Variants in ZNF33B observed in about 807,000 individuals in gnomAD.
ZNF33B encodes zinc finger protein 33B.
ZNF33B carries 29 observed loss-of-function variants against 45.8 expected under a neutral mutation model. The observed-to-expected ratio is 0.63, with a 90% confidence interval of 0.47 to 0.86. ZNF33B has a LOEUF of 0.86. Ranked by LOEUF, ZNF33B falls within the 40% of genes least tolerant of loss-of-function variation. ZNF33B has a pLI of 0.00. For missense variants in ZNF33B, 831 were observed against 909.9 expected (o/e 0.91, Z 1.12); for synonymous variants, 305 against 307.8 (o/e 0.99, Z 0.10).
intron 4 of ZNF33B, among the ~76,000 whole-genome samples, chr10:42,601,304 G>A (rs555003691): frequency 2.6e-5 from 4 of 152,008 alleles, no homozygotes; most frequent in African/African-American, 4.8e-5. Context: ...AGGGTTTGAC[G>A]AGCTTCTTAG....
chr10:42,629,470 A>G (rs1350443824), intron 4 of ZNF33B, among the ~76,000 whole-genome samples: 1 of 152,236 alleles, frequency 6.6e-6, no homozygotes, highest in Non-Finnish European at 1.5e-5. Flanking sequence ...TTTATAACAC[A>G]AAAGATAAAT....
At chr10:42,612,711 CT>C (rs1272770269) in intron 4 of ZNF33B, among the ~76,000 whole-genome samples, 1 of 152,092 alleles carries the variant, frequency 6.6e-6, no homozygotes, top group Non-Finnish European at 1.5e-5. Flanking sequence ...AAAAAATAGC[CT>C]TTTAAAAAAG....
rs769297003 is a variant in ZNF33B at position 42,594,391 on chromosome 10, T to C, written c.559A>G (p.Thr187Ala). 67 of 1,613,744 alleles carry C rather than the reference T, an allele frequency of 4.2e-5. No homozygotes were observed. Among genetic ancestry groups the C allele is most frequent in the Non-Finnish European group, 5.4e-5 (64 of 1,179,828 alleles). The part of the protein sequence containing the change: ...LLNIKHDETH[T>A]REKNEVLKNR... Reference sequence around the variant, plus strand: ...TTCAAAACTTCATTTTTCTCTCGAGTATGAGTTTCATCATGCTTAATATTG... The same window carrying C: ...TTCAAAACTTCATTTTTCTCTCGAGCATGAGTTTCATCATGCTTAATATTG... The change falls in exon 5 of 5, where the codon ACT (threonine) becomes GCT (alanine). Residue 187 changes from threonine to alanine, a missense_variant. Coordinates refer to ENST00000359467, the MANE Select transcript of ZNF33B (RefSeq NM_006955.3).
At chr10:42,607,543 A>G (rs1343751505) in intron 4 of ZNF33B, among the ~76,000 whole-genome samples, 2 of 152,194 alleles carry the variant, frequency 1.3e-5, no homozygotes, top group Admixed American at 1.3e-4. Context: ...ATAATAAAAT[A>G]TATTCATGTC....
chr10:42,580,649 G>A (rs111468438), intron 1 of ZNF33B, among the ~76,000 whole-genome samples: 1,797 of 151,604 alleles, frequency 0.012, 46 homozygotes, highest in African/African-American at 0.041. Context: ...GTCTGGGAGC[G>A]GTGGCTCATG....
At chr10:42,620,426 A>G (rs1838522018) in intron 4 of ZNF33B, among the ~76,000 whole-genome samples, 1 of 152,048 alleles carries the variant, frequency 6.6e-6, no homozygotes, top group Non-Finnish European at 1.5e-5. Context: ...TTTTTTAGAC[A>G]GGGTCTTGCT....
intron 1 of ZNF33B, among the ~76,000 whole-genome samples, chr10:42,637,872 C>G (rs158385): frequency 0.31 from 47,233 of 151,996 alleles, 8,282 homozygotes; most frequent in East Asian, 0.45. Context: ...AGGCTGGTCT[C>G]GAATTCCTGA....
chr10:42,603,901 C>A (rs1272550741), intron 4 of ZNF33B, among the ~76,000 whole-genome samples: 1 of 152,186 alleles, frequency 6.6e-6, no homozygotes, highest in East Asian at 1.9e-4. Flanking sequence ...AGTGAAAAAG[C>A]TTCTCTCAAA....
intron 1 of ZNF33B, among the ~76,000 whole-genome samples, chr10:42,578,306 C>A (rs538189838): frequency 7.2e-5 from 11 of 152,338 alleles, no homozygotes; most frequent in African/African-American, 2.6e-4. Context: ...GGATAAGAGG[C>A]CTGCAGCATG....
intron 2 of ZNF33B, among the ~76,000 whole-genome samples, chr10:42,634,499 T>G (rs1407927775): frequency 6.6e-6 from 1 of 152,138 alleles, no homozygotes; most frequent in African/African-American, 2.4e-5. Flanking sequence ...AATATTTGTA[T>G]GGAAATGCAA....
At chr10:42,631,346 C>T (rs1482533141) in intron 4 of ZNF33B, among the ~76,000 whole-genome samples, 1 of 152,146 alleles carries the variant, frequency 6.6e-6, no homozygotes, top group African/African-American at 2.4e-5. Context: ...GCTGGGATTA[C>T]AGGCACCTGC....
chr10:42,637,634 A>T (rs995286598), intron 1 of ZNF33B, among the ~76,000 whole-genome samples: 14 of 151,900 alleles, frequency 9.2e-5, no homozygotes, highest in Non-Finnish European at 1.9e-4. Context: ...CTAACAAATG[A>T]GGCAAAATTA....
intron 4 of ZNF33B, among the ~76,000 whole-genome samples, chr10:42,627,594 TTTCTTAAG>T (rs1838866554): frequency 6.6e-6 from 1 of 152,210 alleles, no homozygotes; most frequent in Non-Finnish European, 1.5e-5. Context: ...TCTTTGCTAG[TTTCTTAAG>T]GTAGAAAGTC....
intron 4 of ZNF33B, among the ~76,000 whole-genome samples, chr10:42,601,085 T>C (rs1242637545): frequency 6.6e-6 from 1 of 152,174 alleles, no homozygotes; most frequent in Non-Finnish European, 1.5e-5. Context: ...TACATTGAGA[T>C]TTTTGCTTTT....
At chr10:42,577,356 T>C (rs1465665179) in intron 1 of ZNF33B, among the ~76,000 whole-genome samples, 1 of 152,152 alleles carries the variant, frequency 6.6e-6, no homozygotes, top group East Asian at 1.9e-4. Flanking sequence ...CCATTCCTTA[T>C]CTCTGATTCA....
chr10:42,597,514 TA>T (rs1323574342), intron 4 of ZNF33B, among the ~76,000 whole-genome samples: 1 of 152,138 alleles, frequency 6.6e-6, no homozygotes, highest in Non-Finnish European at 1.5e-5. Flanking sequence ...ATTCATTTAT[TA>T]AGTCATCGAA....
chr10:42,594,065 C>A lies in ZNF33B; in HGVS notation c.885G>T (p.Gly295=). 1 of 1,614,004 alleles carries A rather than the reference C, an allele frequency of 6.2e-7. No homozygotes were observed. Among genetic ancestry groups the A allele is most frequent in the Non-Finnish European group, 8.5e-7 (1 of 1,179,940 alleles). ...CVKSTLSKHD[G]VPVKHYDCGE... Reference sequence around the variant, plus strand: ...CACAATCATAGTGTTTCACAGGTACCCCATCATGTTTAGAAAGGGTGGACT... The same window carrying A: ...CACAATCATAGTGTTTCACAGGTACACCATCATGTTTAGAAAGGGTGGACT... Residue 295 remains glycine, a synonymous_variant, in exon 5 of 5, where the codon GGG becomes GGT. Transcript: ENST00000359467.
intron 4 of ZNF33B, among the ~76,000 whole-genome samples, chr10:42,600,311 T>C (rs1407775675): frequency 1.3e-5 from 2 of 152,196 alleles, no homozygotes; most frequent in Non-Finnish European, 2.9e-5. Flanking sequence ...TGATTATAAC[T>C]GTGGATCTAT....
intron 4 of ZNF33B, among the ~76,000 whole-genome samples, chr10:42,630,922 G>T (rs977626817): frequency 2.0e-5 from 3 of 152,094 alleles, no homozygotes; most frequent in African/African-American, 7.2e-5. Flanking sequence ...CAGCCACTGT[G>T]ACTTTTTGGT....
Sources: allele counts gnomAD v4.1 joint callset (sites outside exome capture counted in the v4.1 genomes callset), GRCh38; gene constraint gnomAD v4.1.1; transcripts MANE v1.5; gene names NCBI Gene and HGNC (gene_info 2026-07-23, HGNC 2026-07-21).